The following ATP7B variants were observed in gnomAD, a reference collection of about 807,000 sequenced individuals.
ATP7B encodes the protein ATPase copper transporting beta.
A neutral mutation model predicts 118.9 loss-of-function variants in ATP7B; 113 were observed. The ratio of observed to expected loss-of-function variants is 0.95; its 90% confidence interval spans 0.82 to 1.11. ATP7B has a LOEUF of 1.11. ATP7B is among the 50% of genes most tolerant of loss of function. ATP7B has a pLI of 0.00. For missense variants in ATP7B, 1,867 were observed against 1,871.4 expected (o/e 1.00, Z 0.04); for synonymous variants, 777 against 727.4 (o/e 1.07, Z -1.10).
intron 3 of ATP7B, among the ~76,000 whole-genome samples, chr13:51,970,221 T>A (rs1251566728): frequency 6.6e-6 from 1 of 152,208 alleles, no homozygotes; most frequent in Non-Finnish European, 1.5e-5. Context: ...ACAACCTAAC[T>A]GAGAAGTCTA....
At chr13:51,975,395 G>GA (rs1228032699) in intron 1 of ATP7B, 2 of 714,834 alleles carry the variant, frequency 2.8e-6, no homozygotes, top group African/African-American at 3.4e-5. Flanking sequence ...CCTCCTTAGT[G>GA]AAATGTCGTT....
chr13:51,971,982 G>A (rs1203029059), intron 2 of ATP7B, among the ~76,000 whole-genome samples: 1 of 152,216 alleles, frequency 6.6e-6, no homozygotes, highest in African/African-American at 2.4e-5. Context: ...CAGCCAAAAG[G>A]CTGAGGAAGC....
intron 1 of ATP7B, among the ~76,000 whole-genome samples, chr13:52,008,099 T>C (rs910643107): frequency 2.0e-5 from 3 of 151,372 alleles, no homozygotes; most frequent in Non-Finnish European, 4.4e-5. Flanking sequence ...TCCAACACTT[T>C]GGGAGGCCGA....
intron 3 of ATP7B, 38 bp downstream of exon 3, chr13:51,970,454 C>T (rs572579467): frequency 6.2e-7 from 1 of 1,613,684 alleles, no homozygotes; most frequent in South Asian, 1.1e-5. Flanking sequence ...GGTCTATACG[C>T]AGCATTCCTA....
rs1958473781 is a variant in ATP7B, at chr13:51,958,134, A to C, written c.2355+177T>G. On this transcript the variant is annotated intron_variant, in intron 8 of 20. Transcript: ENST00000242839. ...TAACCAGATTAGCTGGGATTTCAGA[A>C]GTAGTGACCAATTTGGAGATTAGTG... 4 of 699,798 alleles carry C rather than the reference A, an allele frequency of 5.7e-6. No homozygotes were observed. The East Asian group carries it at 1.1e-4, about 19-fold the overall frequency. The allele number at this position is 699,798 out of a possible 1,614,324, so 43.3% of individuals were successfully genotyped here. A position where few individuals can be genotyped will look rare whatever the true frequency, so the allele number is the denominator to read the frequency against.
chr13:51,986,718 T>G (rs1952666622), intron 1 of ATP7B, among the ~76,000 whole-genome samples: 1 of 152,176 alleles, frequency 6.6e-6, no homozygotes, highest in African/African-American at 2.4e-5. Context: ...TTATCCACCA[T>G]GATCAAGTCG....
intron 9 of ATP7B, among the ~76,000 whole-genome samples, chr13:51,955,859 C>T (rs1041640137): frequency 5.9e-5 from 9 of 152,136 alleles, no homozygotes; most frequent in Non-Finnish European, 1.2e-4. Flanking sequence ...TGCCAGGTGC[C>T]GTCACACAGG....
At chr13:51,947,200 G>A (rs1424262174) in intron 12 of ATP7B, among the ~76,000 whole-genome samples, 7 of 152,150 alleles carry the variant, frequency 4.6e-5, no homozygotes, top group Non-Finnish European at 8.8e-5. Flanking sequence ...GTACAAAATC[G>A]CATGTGCTGG....
At chr13:52,000,877 G>A (rs1489485943) in intron 1 of ATP7B, among the ~76,000 whole-genome samples, 2 of 152,076 alleles carry the variant, frequency 1.3e-5, no homozygotes, top group East Asian at 3.9e-4. Context: ...AAAATTAGCT[G>A]GGCATGGTGG....
chr13:51,974,353 T>C lies in ATP7B; in HGVS notation c.867A>G (p.Gln289=), dbSNP rs1194991204. The change falls in exon 2 of 21, where the codon CAA becomes CAG. Residue 289 remains glutamine (Q), a synonymous_variant. Transcript: ENST00000242839. The stretch of plus-strand genomic sequence containing the variant: ...GGGCAGTTTTGTTCTCCAAGGACAC[T>C]TGAATACTTTGAACCCCTAGGAGCT... ...IGQLLGVQSI[Q]VSLENKTAQV... 1.9e-6 allele frequency: 3 copies of C among 1,614,070 alleles called. No homozygotes were observed. Among genetic ancestry groups the C allele is most frequent in the Non-Finnish European group, 2.5e-6 (3 of 1,180,050 alleles).
intron 6 of ATP7B, among the ~76,000 whole-genome samples, chr13:51,961,088 G>A (rs1958707029): frequency 6.6e-6 from 1 of 151,954 alleles, no homozygotes; most frequent in Non-Finnish European, 1.5e-5. Context: ...CAGTCCCCAA[G>A]GGTAGCCGCC....
chr13:51,935,413 G>C (rs1374625951), intron 20 of ATP7B, among the ~76,000 whole-genome samples, 180 bp downstream of exon 20: 1 of 152,232 alleles, frequency 6.6e-6, no homozygotes, highest in Admixed American at 6.5e-5. Context: ...GCAGTGAATT[G>C]CCTGCTCATG....
rs1206083585 is a variant in ATP7B at position 51,961,902 on chromosome 13, A to C, written c.1881T>G (p.Phe627Leu). Residue 627 changes from phenylalanine (F) to leucine (L), a missense_variant, in exon 6 of 21, where the codon TTT (phenylalanine) becomes TTG (leucine). Physicochemically the swap from Phe to Leu is conservative, Grantham distance 22. Transcript: ENST00000242839. ...GGTTTCTCTGGGCCAGGGAAGCATG[A>C]AAGCCAATTTCCTTGTCATTAAAAA... is the stretch of plus-strand genomic sequence containing the variant. ...DIIKIIEEIG[F>L]HASLAQRNPN... 1.9e-6 allele frequency: 3 copies of C among 1,613,864 alleles called. No individual in the cohort carries two copies. The highest frequency in any genetic ancestry group is 8.5e-7 in the Non-Finnish European group (1 of 1,179,856).
chr13:51,985,794 G>T (rs542652346), intron 1 of ATP7B, among the ~76,000 whole-genome samples: 1 of 152,296 alleles, frequency 6.6e-6, no homozygotes, highest in East Asian at 1.9e-4. Flanking sequence ...CATGGAAACT[G>T]AACAACCTGC....
At chr13:51,970,340 A>G in intron 3 of ATP7B, 152 bp downstream of exon 3, 1 of 1,079,418 alleles carries the variant, frequency 9.3e-7, no homozygotes, top group Admixed American at 1.9e-5. Flanking sequence ...TGCCAGTTAT[A>G]CAAGGACATT....
At chr13:51,993,813 T>C (rs559479634) in intron 1 of ATP7B, among the ~76,000 whole-genome samples, 7 of 152,168 alleles carry the variant, frequency 4.6e-5, no homozygotes, top group Admixed American at 3.3e-4. Flanking sequence ...CAATGAAGAA[T>C]CTAAAGGAGA....
At position 51,939,036 on chromosome 13, in the gene ATP7B, A is replaced by G; in HGVS notation, c.3699+15T>C. ...TTATGAGCTTTACACAGTTTGCAAC[A>G]TTAAAGGGCTGTACCTGGGTGGCAA... On this transcript the variant is annotated intron_variant, in intron 17 of 20. Coordinates refer to ENST00000242839, the MANE Select transcript of ATP7B (RefSeq NM_000053.4). 1 of 1,614,236 alleles carries G rather than the reference A, an allele frequency of 6.2e-7. No homozygotes were observed.
intron 1 of ATP7B, among the ~76,000 whole-genome samples, chr13:51,992,127 A>C (rs537918862): frequency 1.3e-5 from 2 of 151,752 alleles, no homozygotes; most frequent in East Asian, 3.9e-4. Context: ...TTGTGTAAGA[A>C]ATGTAAAAAA....
At chr13:51,987,377 G>C (rs574813093) in intron 1 of ATP7B, among the ~76,000 whole-genome samples, 1 of 152,298 alleles carries the variant, frequency 6.6e-6, no homozygotes, top group East Asian at 1.9e-4. Flanking sequence ...ACCTCTTCAA[G>C]GAGAACTACA....
Sources: allele counts gnomAD v4.1 joint callset (sites outside exome capture counted in the v4.1 genomes callset), GRCh38; gene constraint gnomAD v4.1.1; transcripts MANE v1.5; gene names NCBI Gene and HGNC (gene_info 2026-07-23, HGNC 2026-07-21).